Variants in PLCB1 observed in about 807,000 individuals in gnomAD.
The protein encoded by PLCB1 is 1-phosphatidylinositol 4,5-bisphosphate phosphodiesterase beta-1.
A neutral mutation model predicts 161.8 loss-of-function variants in PLCB1; 46 were observed. The ratio of observed to expected loss-of-function variants is 0.28; its 90% CI spans 0.22 to 0.36. PLCB1 has a LOEUF of 0.36. Among genes scored for constraint, PLCB1 ranks in the 10% least tolerant of loss-of-function variants. The pLI, the probability that PLCB1 is intolerant of heterozygous loss-of-function variation, is 1.00. For synonymous variants in PLCB1, 517 were observed against 503.7 expected (o/e 1.03, Z -0.35); for missense variants, 1,016 against 1,472.5 (o/e 0.69, Z 5.07).
At chr20:8,576,241 A>G (rs901272848) in intron 3 of PLCB1, among the ~76,000 whole-genome samples, 3 of 152,188 alleles carry the variant, frequency 2.0e-5, no homozygotes, top group Non-Finnish European at 2.9e-5. Context: ...ACCTGATTTT[A>G]TATCTTAATA....
At chr20:8,742,057 A>G (rs1420982913) in intron 23 of PLCB1, among the ~76,000 whole-genome samples, 1 of 152,176 alleles carries the variant, frequency 6.6e-6, no homozygotes, top group Non-Finnish European at 1.5e-5. Flanking sequence ...TGGTATATTT[A>G]TGTATTATAA....
chr20:8,821,277 G>A (rs1338878048), intron 31 of PLCB1, among the ~76,000 whole-genome samples: 5 of 151,226 alleles, frequency 3.3e-5, no homozygotes, highest in Admixed American at 2.0e-4. Context: ...TCAGGAGTTC[G>A]AGACCAGCCT....
chr20:8,187,399 A>T (rs1378081092), intron 2 of PLCB1, among the ~76,000 whole-genome samples: 1 of 152,038 alleles, frequency 6.6e-6, no homozygotes, highest in Non-Finnish European at 1.5e-5. Flanking sequence ...CCAACCAGCC[A>T]CCATGTCCTT....
chr20:8,290,559 G>A (rs532768688), intron 2 of PLCB1, among the ~76,000 whole-genome samples: 1 of 152,258 alleles, frequency 6.6e-6, no homozygotes, highest in South Asian at 2.1e-4. Flanking sequence ...CATAGGCCTG[G>A]CTGGTTTTGA....
intron 31 of PLCB1, among the ~76,000 whole-genome samples, chr20:8,796,640 T>G (rs559929513): frequency 6.6e-6 from 1 of 152,336 alleles, no homozygotes; most frequent in Admixed American, 6.5e-5. Context: ...TCTTTTTCAT[T>G]TTTGTCAATA....
At chr20:8,193,448 A>C (rs930865799) in intron 2 of PLCB1, among the ~76,000 whole-genome samples, 1 of 151,908 alleles carries the variant, frequency 6.6e-6, no homozygotes, top group South Asian at 2.1e-4. Context: ...GAGGAGAAAG[A>C]TGTGCTCTAT....
intron 31 of PLCB1, among the ~76,000 whole-genome samples, chr20:8,862,551 G>T (rs1304437309): frequency 1.3e-5 from 2 of 152,166 alleles, no homozygotes; most frequent in African/African-American, 4.8e-5. Flanking sequence ...TACTTGGATT[G>T]CTGCTTGAAT....
intron 3 of PLCB1, among the ~76,000 whole-genome samples, chr20:8,372,844 T>C (rs1351674397): frequency 6.6e-6 from 1 of 152,198 alleles, no homozygotes; most frequent in Non-Finnish European, 1.5e-5. Context: ...TGGCCTAACT[T>C]GCAATTTCAA....
intron 3 of PLCB1, among the ~76,000 whole-genome samples, chr20:8,495,106 A>G (rs1983107007): frequency 6.6e-6 from 1 of 151,738 alleles, no homozygotes; most frequent in Admixed American, 6.6e-5. Flanking sequence ...ATTCATGAGC[A>G]GGAGGAGAAT....
rs184531929 is a variant in PLCB1, at chr20:8,190,056, T to C, written c.177+39685T>C. On this transcript the variant is annotated intron_variant, in intron 2 of 31. Coordinates refer to ENST00000338037, the MANE Select transcript of PLCB1 (RefSeq NM_015192.4). ...GACTTCATTGATTTTCTTTACCCCATCCCCTGACATATAAATATATGAGAA... is the reference window on the plus strand; with the variant it reads ...GACTTCATTGATTTTCTTTACCCCACCCCCTGACATATAAATATATGAGAA... 7.7e-3 allele frequency among the ~76,000 whole-genome samples: 1,173 copies of C among 152,124 alleles called. 15 individuals carry two copies. The highest frequency in any genetic ancestry group is 0.025 in the African/African-American group (1,047 of 41,510).
At chr20:8,339,089 G>A (rs1985701949) in intron 2 of PLCB1, among the ~76,000 whole-genome samples, 1 of 152,156 alleles carries the variant, frequency 6.6e-6, no homozygotes, top group Admixed American at 6.5e-5. Flanking sequence ...AAGCTATGAT[G>A]AGTACAGCTG....
At chr20:8,471,669 AC>A (rs1160560410) in intron 3 of PLCB1, among the ~76,000 whole-genome samples, 1 of 151,992 alleles carries the variant, frequency 6.6e-6, no homozygotes, top group African/African-American at 2.4e-5. Flanking sequence ...TGCATAATTG[AC>A]CCCCTGCTAG....
At chr20:8,662,579 C>T (rs1989706773) in intron 9 of PLCB1, among the ~76,000 whole-genome samples, 1 of 142,588 alleles carries the variant, frequency 7.0e-6, no homozygotes, top group African/African-American at 2.6e-5. Context: ...ATATTATTAA[C>T]ATAATATCTA....
At chr20:8,468,522 A>G (rs1379323632) in intron 3 of PLCB1, among the ~76,000 whole-genome samples, 1 of 152,182 alleles carries the variant, frequency 6.6e-6, no homozygotes, top group African/African-American at 2.4e-5. Context: ...TGTATAAGGC[A>G]TAATGGAGTG....
At chr20:8,412,956 CAA>C (rs200920138) in intron 3 of PLCB1, among the ~76,000 whole-genome samples, 16 of 100,808 alleles carry the variant, frequency 1.6e-4, no homozygotes, top group South Asian at 3.3e-4. Context: ...CATCTGTGAC[CAA>C]AAAAAAAAAA....
intron 20 of PLCB1, among the ~76,000 whole-genome samples, chr20:8,737,727 G>C (rs1303733296): frequency 6.6e-6 from 1 of 152,156 alleles, no homozygotes; most frequent in Non-Finnish European, 1.5e-5. Context: ...ATCATGTAAA[G>C]GAAGAAAGTA....
chr20:8,532,212 A>ATATATTTT (rs1984841087), intron 3 of PLCB1, among the ~76,000 whole-genome samples: 2 of 152,198 alleles, frequency 1.3e-5, no homozygotes, highest in Non-Finnish European at 1.5e-5. Flanking sequence ...TGAGCGTTTA[A>ATATATTTT]ACTGGGAACG....
chr20:8,398,844 A>C (rs973630582), intron 3 of PLCB1, among the ~76,000 whole-genome samples: 2 of 151,482 alleles, frequency 1.3e-5, no homozygotes. Flanking sequence ...CAGGAGAATT[A>C]GCTCTCTATC....
At chr20:8,514,647 G>C (rs1481968849) in intron 3 of PLCB1, among the ~76,000 whole-genome samples, 2 of 152,060 alleles carry the variant, frequency 1.3e-5, no homozygotes, top group Non-Finnish European at 2.9e-5. Flanking sequence ...GTGCCCCATA[G>C]AGTAAAGCCG....
Sources: gnomAD v4.1 joint callset for allele counts (sites outside exome capture counted in the v4.1 genomes callset) on GRCh38, gnomAD v4.1.1 for gene constraint, MANE v1.5 for transcripts, NCBI Gene and HGNC (gene_info 2026-07-23, HGNC 2026-07-21) for gene names.